CCDC88C: variants seen among roughly 807,000 people sequenced by gnomAD.
The protein encoded by CCDC88C is protein Daple.
CCDC88C carries 131 observed loss-of-function variants against 198.8 expected under a neutral mutation model. The ratio of observed to expected loss-of-function variants is 0.66; its 90% CI spans 0.57 to 0.76. The LOEUF is 0.76. CCDC88C is among the 30% of genes least tolerant of loss of function. The pLI, the probability that CCDC88C is intolerant of heterozygous loss-of-function variation, is 0.00. For missense variants in CCDC88C, 2,553 were observed against 2,631.6 expected (o/e 0.97, Z 0.65); for synonymous variants, 1,166 against 1,114.7 (o/e 1.05, Z -0.92).
intron 3 of CCDC88C, among the ~76,000 whole-genome samples, chr14:91,403,872 C>T (rs1886344002): frequency 6.6e-6 from 1 of 152,210 alleles, no homozygotes; most frequent in South Asian, 2.1e-4. Flanking sequence ...GGGGAGGTTG[C>T]AGTGAGCTAA....
intron 29 of CCDC88C, among the ~76,000 whole-genome samples, chr14:91,277,004 C>G (rs905091435): frequency 1.3e-5 from 2 of 152,180 alleles, no homozygotes; most frequent in South Asian, 4.1e-4. Flanking sequence ...GAGTCTCGCT[C>G]TGTCGCTCAA....
chr14:91,359,412 C>T (rs1328192464), intron 4 of CCDC88C, among the ~76,000 whole-genome samples: 2 of 152,060 alleles, frequency 1.3e-5, no homozygotes, highest in Non-Finnish European at 2.9e-5. Context: ...GCTGGGATTA[C>T]AGGCGTGAGC....
chr14:91,393,332 C>A (rs1389730740), intron 3 of CCDC88C, among the ~76,000 whole-genome samples: 1 of 152,130 alleles, frequency 6.6e-6, no homozygotes, highest in South Asian at 2.1e-4. Flanking sequence ...GGGAGCCCCC[C>A]CACCCCCTAA....
At chr14:91,415,153 C>T (rs902456516) in intron 2 of CCDC88C, among the ~76,000 whole-genome samples, 1 of 151,984 alleles carries the variant, frequency 6.6e-6, no homozygotes, top group South Asian at 2.1e-4. Flanking sequence ...CCGGTCATTG[C>T]GCCAATGGAA....
intron 18 of CCDC88C, among the ~76,000 whole-genome samples, 188 bp downstream of exon 18, chr14:91,306,850 G>A (rs1441283697): frequency 6.6e-6 from 1 of 152,230 alleles, no homozygotes. Flanking sequence ...TGCCCCTGAT[G>A]TGAGAATCAC....
intron 26 of CCDC88C, 24 bp downstream of exon 26, chr14:91,283,305 G>GCT: frequency 6.2e-7 from 1 of 1,609,172 alleles, no homozygotes; most frequent in Non-Finnish European, 8.5e-7. Flanking sequence ...GACGCTCATG[G>GCT]CTCTGGAAGG....
At position 91,320,694 on chromosome 14, in the gene CCDC88C, A is replaced by AG. The variant is rs545677287; in HGVS notation, c.1527+425dup. The stretch of plus-strand genomic sequence containing the variant: ...AATTGAGTTAAATTGTAGGATACCC[A>AG]GCTGGTGTCCCCCAAGAACTTGAGA... On this transcript the variant is annotated intron_variant, in intron 13 of 29. Transcript: ENST00000389857. 3.7e-3 allele frequency among the ~76,000 whole-genome samples: 564 copies of AG among 152,332 alleles called. 1 individual carries two copies. Among genetic ancestry groups the AG allele is most frequent in the Middle Eastern group, 0.02 (6 of 294 alleles).
chr14:91,329,581 C>A (rs1407490417), intron 10 of CCDC88C, among the ~76,000 whole-genome samples: 1 of 148,846 alleles, frequency 6.7e-6, no homozygotes, highest in Non-Finnish European at 1.5e-5. Context: ...AGGCAAGCAT[C>A]AAGTCATTCA....
rs1884817097 is a variant in CCDC88C, at chr14:91,381,912, C to T, written c.271-22201G>A. On this transcript the variant is annotated intron_variant, in intron 3 of 29. Coordinates refer to ENST00000389857, the MANE Select transcript of CCDC88C (RefSeq NM_001080414.4). This position sits in a 1 kb window ranked among gnomAD's most constrained non-coding sequence, Gnocchi z 4.2. Reference sequence around the variant, plus strand: ...TCCGAGCCCACCTCCCTGCCTCCTTCTTGATGCCTTCCACGGTGTATTTTC... The same window carrying T: ...TCCGAGCCCACCTCCCTGCCTCCTTTTTGATGCCTTCCACGGTGTATTTTC... Among the ~76,000 whole-genome samples the T allele has an allele frequency of 6.6e-6, 1 of 152,214 alleles. No homozygotes were observed.
chr14:91,330,252 G>C (rs542960989), intron 10 of CCDC88C, among the ~76,000 whole-genome samples: 1 of 152,268 alleles, frequency 6.6e-6, no homozygotes, highest in Non-Finnish European at 1.5e-5. Flanking sequence ...GACGCAGCCC[G>C]CACAGTTCAG....
At chr14:91,403,926 T>C (rs1412624200) in intron 3 of CCDC88C, among the ~76,000 whole-genome samples, 1 of 152,230 alleles carries the variant, frequency 6.6e-6, no homozygotes, top group African/African-American at 2.4e-5. Flanking sequence ...AGAGAGACCC[T>C]ATCTCAAAAA....
intron 3 of CCDC88C, among the ~76,000 whole-genome samples, chr14:91,397,485 C>A (rs1194632183): frequency 6.6e-6 from 1 of 152,206 alleles, no homozygotes; most frequent in Non-Finnish European, 1.5e-5. Context: ...CACTCTCACA[C>A]TCATACTCAC....
chr14:91,379,667 C>T, intron 3 of CCDC88C: 1 of 601,442 alleles, frequency 1.7e-6, no homozygotes, highest in Admixed American at 2.9e-5. Flanking sequence ...CACTCCGCCC[C>T]AGCACCCATT....
intron 25 of CCDC88C, among the ~76,000 whole-genome samples, chr14:91,286,667 G>A (rs1279116780): frequency 2.6e-5 from 4 of 152,214 alleles, no homozygotes. Context: ...CAGAATAAGG[G>A]ACCAACTTAT....
At chr14:91,417,540 GC>G in intron 1 of CCDC88C, 90 bp downstream of exon 1, 2 of 1,254,642 alleles carry the variant, frequency 1.6e-6, no homozygotes, top group Non-Finnish European at 2.2e-6. Flanking sequence ...GCCACCCGGG[GC>G]CCCGGCCGTG....
At chr14:91,354,514 G>T (rs990380964) in intron 4 of CCDC88C, among the ~76,000 whole-genome samples, 1 of 152,170 alleles carries the variant, frequency 6.6e-6, no homozygotes, top group African/African-American at 2.4e-5. Context: ...TGGTGAAGGC[G>T]GTTTTCAGGG....
At chr14:91,346,483 T>C (rs1386068292) in intron 4 of CCDC88C, among the ~76,000 whole-genome samples, 3 of 82,788 alleles carry the variant, frequency 3.6e-5, no homozygotes, top group East Asian at 2.9e-4. Flanking sequence ...ATCTTAGGAT[T>C]TTTTTTTTTT....
chr14:91,296,552 C>T (rs1326499389), intron 22 of CCDC88C, among the ~76,000 whole-genome samples: 2 of 152,210 alleles, frequency 1.3e-5, no homozygotes, highest in Non-Finnish European at 2.9e-5. Context: ...GTCCCAGGGT[C>T]TCTCATTCTC....
chr14:91,360,705 T>C (rs1411695083), intron 3 of CCDC88C, among the ~76,000 whole-genome samples: 1 of 152,220 alleles, frequency 6.6e-6, no homozygotes, highest in African/African-American at 2.4e-5. Context: ...AGGCATCAGC[T>C]ATCAGTCATG....
Sources: gnomAD v4.1 joint callset for allele counts (sites outside exome capture counted in the v4.1 genomes callset) on GRCh38, gnomAD v4.1.1 for gene constraint, Gnocchi (gnomAD v3.1) non-coding constraint, MANE v1.5 for transcripts, NCBI Gene and HGNC (gene_info 2026-07-23, HGNC 2026-07-21) for gene names.